FYB1: variants seen among roughly 807,000 people sequenced by gnomAD.
The protein encoded by FYB1 is FYN-binding protein 1.
FYB1 carries 41 observed loss-of-function variants against 94.1 expected under a neutral mutation model. The observed-to-expected ratio is 0.44, with a 90% CI of 0.34 to 0.57. FYB1 has a LOEUF of 0.57. Ranked by LOEUF, FYB1 falls within the 20% of genes least tolerant of loss-of-function variation. The probability of loss-of-function intolerance (pLI) is 0.02; values close to 1 mark genes in which losing one functional copy is unlikely to be tolerated. For missense variants in FYB1, 1,050 were observed against 976.8 expected, an observed-to-expected ratio of 1.07 and a Z score of -1.00; for synonymous variants, 367 against 353.2, an observed-to-expected ratio of 1.04 and a Z score of -0.44.
chr5:39,148,027 T>A (rs1742837964), intron 3 of FYB1, among the ~76,000 whole-genome samples: 1 of 147,870 alleles, frequency 6.8e-6, no homozygotes, highest in Non-Finnish European at 1.5e-5. Flanking sequence ...AATTAGAGAT[T>A]CCACTCTACA....
At chr5:39,252,286 AAG>A (rs1172255678) in intron 1 of FYB1, among the ~76,000 whole-genome samples, 1 of 132,000 alleles carries the variant, frequency 7.6e-6, no homozygotes, top group Non-Finnish European at 1.5e-5. Flanking sequence ...AAGGATTATG[AAG>A]AGTGTGTAAG....
intron 2 of FYB1, among the ~76,000 whole-genome samples, chr5:39,175,830 A>G (rs1262590272): frequency 6.6e-6 from 1 of 152,104 alleles, no homozygotes; most frequent in Non-Finnish European, 1.5e-5. Flanking sequence ...TACAATAGTG[A>G]ATAACCTAGT....
intron 1 of FYB1, among the ~76,000 whole-genome samples, chr5:39,210,052 T>TG (rs1315296872): frequency 1.3e-5 from 2 of 152,240 alleles, no homozygotes; most frequent in Non-Finnish European, 2.9e-5. Flanking sequence ...ATTAAGTTCT[T>TG]GGGGCGGGAG....
At chr5:39,221,600 C>CATGG (rs1750268354), upstream of FYB1, among the ~76,000 whole-genome samples, 1 of 152,190 alleles carries the variant, frequency 6.6e-6, no homozygotes, top group Non-Finnish European at 1.5e-5. Flanking sequence ...CTTTACCTAA[C>CATGG]ATGGGACAGT....
intron 12 of FYB1, 128 bp downstream of exon 12, chr5:39,125,870 C>T (rs1012484718): frequency 8.1e-5 from 75 of 930,258 alleles, no homozygotes; most frequent in Middle Eastern, 3.3e-4. Context: ...AGATGATTAA[C>T]GGAAAATTGC....
At chr5:39,239,452 A>G (rs1751110723) in intron 1 of FYB1, among the ~76,000 whole-genome samples, 1 of 152,156 alleles carries the variant, frequency 6.6e-6, no homozygotes. Context: ...CTGATAAACA[A>G]TTTCAGCAGT....
intron 3 of FYB1, among the ~76,000 whole-genome samples, chr5:39,148,948 A>T (rs1372199834): frequency 6.6e-6 from 1 of 152,236 alleles, no homozygotes; most frequent in Non-Finnish European, 1.5e-5. Context: ...TGTTAAAATT[A>T]TAATTTAAAA....
At chr5:39,107,698 C>G (rs1738654221) in intron 18 of FYB1, among the ~76,000 whole-genome samples, 2 of 151,800 alleles carry the variant, frequency 1.3e-5, no homozygotes, top group Admixed American at 6.6e-5. Context: ...AAATGAGACT[C>G]AAGATTATTT....
At chr5:39,174,706 T>C (rs536600732) in intron 2 of FYB1, among the ~76,000 whole-genome samples, 3 of 152,312 alleles carry the variant, frequency 2.0e-5, no homozygotes, top group African/African-American at 7.2e-5. Context: ...TATCATGCCA[T>C]GAAATCAAAA....
intron 1 of FYB1, among the ~76,000 whole-genome samples, chr5:39,244,898 T>G (rs142237427): frequency 0.01 from 1,560 of 152,316 alleles, 28 homozygotes; most frequent in African/African-American, 0.035. Flanking sequence ...TATTTATCCA[T>G]TTCTTCTAGG....
chr5:39,127,691 T>G (rs1306042034), intron 11 of FYB1, 50 bp downstream of exon 11: 1 of 1,504,718 alleles, frequency 6.6e-7, no homozygotes, highest in South Asian at 1.4e-5. Flanking sequence ...AAACTAAATT[T>G]CAATGTATAT....
Position 39,107,382 on chromosome 5 carries a change from A to G in FYB1, c.*61T>C, listed in dbSNP as rs1738627158. ...TTTCTTGATACCCAATAACATGCCAATTAAAATCCAGACTTCACATTGGCA... is the reference window on the plus strand; with the variant it reads ...TTTCTTGATACCCAATAACATGCCAGTTAAAATCCAGACTTCACATTGGCA... On this transcript the variant is annotated 3_prime_UTR_variant, in exon 19 of 19. Coordinates refer to ENST00000512982, the MANE Select transcript of FYB1 (RefSeq NM_001465.6). 5 of 1,281,874 alleles carry G rather than the reference A, an allele frequency of 3.9e-6. No homozygotes were observed. Among genetic ancestry groups the G allele is most frequent in the Non-Finnish European group, 5.3e-6 (5 of 945,348 alleles). The allele number at this position is 1,281,874 out of a possible 1,614,324, so 79.4% of individuals were successfully genotyped here. A position where few individuals can be genotyped will look rare whatever the true frequency, so the allele number is the denominator to read the frequency against.
intron 1 of FYB1, among the ~76,000 whole-genome samples, chr5:39,266,648 C>A (rs1342939421): frequency 6.6e-6 from 1 of 152,144 alleles, no homozygotes; most frequent in East Asian, 1.9e-4. Context: ...GGTGACACAG[C>A]AGATGAGCTT....
chr5:39,122,544 A>G, intron 13 of FYB1, 142 bp from the exon 14 acceptor site: 2 of 571,546 alleles, frequency 3.5e-6, no homozygotes, highest in South Asian at 4.7e-5. Flanking sequence ...TTCTCCTGGA[A>G]GCATTGTCTG....
At chr5:39,207,382 C>A (rs1225729531) in intron 1 of FYB1, among the ~76,000 whole-genome samples, 1 of 152,166 alleles carries the variant, frequency 6.6e-6, no homozygotes, top group East Asian at 1.9e-4. Context: ...TATGTCTCTT[C>A]AGTGGTATAA....
At chr5:39,206,429 A>G (rs1356034256) in intron 1 of FYB1, among the ~76,000 whole-genome samples, 1 of 152,230 alleles carries the variant, frequency 6.6e-6, no homozygotes, top group African/African-American at 2.4e-5. Context: ...AAAAGCAAAA[A>G]TGATTTTTAA....
At chr5:39,231,162 C>CAAAAAAAAAAAAAAAA (rs368893259) in intron 1 of FYB1, among the ~76,000 whole-genome samples, 1 of 134,582 alleles carries the variant, frequency 7.4e-6, no homozygotes, top group African/African-American at 3.0e-5. Flanking sequence ...AAAAAAAAAA[C>CAAAAAAAAAAAAAAAA]AAAAAAAAAC....
At position 39,164,771 on chromosome 5, in the gene FYB1, G is replaced by A. The variant is rs115652157; in HGVS notation, c.1136-11167C>T. 6.7e-3 allele frequency among the ~76,000 whole-genome samples: 1,021 copies of A among 152,232 alleles called. 11 individuals are homozygous for A. The highest frequency in any genetic ancestry group is 0.023 in the African/African-American group (942 of 41,546). ...TTTAAGTAAAGAAAGAGAAAGCCTC[G>A]CAAAGAAATTTTAATAAAGGAAATT... On this transcript the variant is annotated intron_variant, in intron 2 of 18. Transcript: ENST00000512982.
In FYB1 at chr5:39,134,344, AGCCATCTACC is replaced by A; in HGVS notation, c.1676-5_1680del. 6.3e-7 allele frequency: 1 copy of A among 1,599,148 alleles called. No individual in the cohort carries two copies. Among genetic ancestry groups the A allele is most frequent in the Non-Finnish European group, 8.5e-7 (1 of 1,170,086 alleles). ...ATCTCTACAGCAGTTGTTTTAATAT[AGCCATCTACC>A]AAAAAGGGAAATATTTATGTTCAGG... On this transcript the variant is annotated splice_acceptor_variant and splice_polypyrimidine_tract_variant and coding_sequence_variant and intron_variant, in exon 9 of 19. Coordinates refer to ENST00000512982, the MANE Select transcript of FYB1 (RefSeq NM_001465.6). LOFTEE classifies it high-confidence loss of function.
Sources: gnomAD v4.1 joint callset for allele counts (sites outside exome capture counted in the v4.1 genomes callset) on GRCh38, gnomAD v4.1.1 for gene constraint, MANE v1.5 for transcripts, NCBI Gene and HGNC (gene_info 2026-07-23, HGNC 2026-07-21) for gene names.